CREB5: variants seen among roughly 807,000 people sequenced by gnomAD.
The protein encoded by CREB5 is cyclic AMP-responsive element-binding protein 5.
In CREB5, 19 loss-of-function variants were observed where a neutral mutation model predicts 57.1. The observed-to-expected ratio is 0.33, with a 90% CI of 0.23 to 0.49. The LOEUF (loss-of-function observed/expected upper bound fraction) is 0.49. Ranked by LOEUF, CREB5 falls within the 20% of genes least tolerant of loss-of-function variation. The pLI is 0.99. For missense variants in CREB5, 579 were observed against 671.6 expected (o/e 0.86, Z 1.52); for synonymous variants, 238 against 238.3 (o/e 1.00, Z 0.01).
At chr7:28,550,047 C>T (rs1198783154) in intron 4 of CREB5, among the ~76,000 whole-genome samples, 2 of 152,142 alleles carry the variant, frequency 1.3e-5, no homozygotes, top group Non-Finnish European at 2.9e-5. Flanking sequence ...ATATTTTATC[C>T]ATACTTTATG....
chr7:28,428,762 A>G (rs1788603172), intron 1 of CREB5, among the ~76,000 whole-genome samples: 1 of 152,134 alleles, frequency 6.6e-6, no homozygotes, highest in Non-Finnish European at 1.5e-5. Context: ...TAGAGTTAGA[A>G]TCAGGATCAT....
At chr7:28,498,551 T>C (rs217498) in intron 3 of CREB5, among the ~76,000 whole-genome samples, 41,132 of 152,108 alleles carry the variant, frequency 0.27, 6,954 homozygotes, top group Non-Finnish European at 0.36. Context: ...TGTCATAAGG[T>C]TCATTTCATT....
intron 1 of CREB5, among the ~76,000 whole-genome samples, chr7:28,332,014 G>A (rs1785726166): frequency 6.6e-6 from 1 of 152,094 alleles, no homozygotes; most frequent in Non-Finnish European, 1.5e-5. Context: ...TCAGGATCTT[G>A]GAATGATACC....
At chr7:28,624,823 C>CT (rs1797941975) in intron 5 of CREB5, among the ~76,000 whole-genome samples, 1 of 152,128 alleles carries the variant, frequency 6.6e-6, no homozygotes, top group Non-Finnish European at 1.5e-5. Flanking sequence ...CTAGTGCTCA[C>CT]TTTGTGATAT....
At chr7:28,734,687 TA>T (rs779729609) in intron 7 of CREB5, among the ~76,000 whole-genome samples, 20 of 152,184 alleles carry the variant, frequency 1.3e-4, no homozygotes, top group Non-Finnish European at 1.5e-5. Context: ...TCAAAGGGAA[TA>T]AACATTATAA....
At chr7:28,316,345 C>T (rs1002551259) in intron 1 of CREB5, among the ~76,000 whole-genome samples, 15 of 151,948 alleles carry the variant, frequency 9.9e-5, no homozygotes, top group Non-Finnish European at 1.2e-4. Flanking sequence ...CCTGACAATG[C>T]CTGGGAAAAC....
upstream of CREB5, among the ~76,000 whole-genome samples, chr7:28,407,723 AG>A (rs1013294726): frequency 3.9e-5 from 6 of 152,240 alleles, no homozygotes; most frequent in African/African-American, 1.4e-4. Flanking sequence ...TGTGGTTTCA[AG>A]GAACACTAAA....
intron 5 of CREB5, among the ~76,000 whole-genome samples, chr7:28,678,740 A>G (rs541832342): frequency 1.3e-5 from 2 of 152,366 alleles, no homozygotes; most frequent in African/African-American, 4.8e-5. Context: ...CCAGTTAATA[A>G]AAACATAGAT....
Position 28,824,622 on chromosome 7 carries a change from A to G in CREB5, c.*5343A>G, listed in dbSNP as rs1809963822. The G allele has an allele frequency of 6.5e-6, 1 of 152,682 alleles. No individual in the cohort carries two copies. Among genetic ancestry groups the G allele is most frequent in the Admixed American group, 6.5e-5 (1 of 15,284 alleles). 9.5% of individuals were successfully genotyped at this position (152,682 alleles called of 1,614,324 possible). On this transcript the variant is annotated 3_prime_UTR_variant, in exon 11 of 11. Transcript: ENST00000357727. The stretch of plus-strand genomic sequence containing the variant: ...AAGAAATTTAAAAAACAAAAAACCT[A>G]GCTCATCATGTTGTGAAAATGAAAA...
Position 28,819,118 on chromosome 7 carries a change from C to T in CREB5, c.1366C>T (p.Pro456Ser). ...MQKESQGYLS[P>S]ESSPPASPVP... ...GTTGTCTTTTTTTTTCTCCCTAGGTCCAGAGAGTAGCCCTCCTGCTAGTCC... is the reference window on the plus strand; with the variant it reads ...GTTGTCTTTTTTTTTCTCCCTAGGTTCAGAGAGTAGCCCTCCTGCTAGTCC... The change falls in exon 11 of 11, where the codon CCA becomes TCA. Residue 456 changes from proline to serine, a missense_variant and splice_region_variant. This residue lies in a region of CREB5 where 114 missense variants were observed against 130.8 expected (regional missense o/e 0.87). Coordinates refer to ENST00000357727, the MANE Select transcript of CREB5 (RefSeq NM_182898.4). 1 of 1,612,292 alleles carries T rather than the reference C, an allele frequency of 6.2e-7. No individual in the cohort carries two copies. The highest frequency in any genetic ancestry group is 8.5e-7 in the Non-Finnish European group (1 of 1,179,236).
intron 1 of CREB5, among the ~76,000 whole-genome samples, chr7:28,455,346 A>G (rs1369155541): frequency 6.6e-6 from 1 of 152,198 alleles, no homozygotes; most frequent in African/African-American, 2.4e-5. Context: ...TGGGAGTGGA[A>G]CAAGGGTGAA....
chr7:28,574,862 T>A (rs1795844482), intron 5 of CREB5, among the ~76,000 whole-genome samples: 1 of 152,240 alleles, frequency 6.6e-6, no homozygotes, highest in Non-Finnish European at 1.5e-5. Flanking sequence ...ACACCAATTT[T>A]AATCCTGGAA....
At chr7:28,441,087 G>A (rs556472748) in intron 1 of CREB5, among the ~76,000 whole-genome samples, 1 of 152,254 alleles carries the variant, frequency 6.6e-6, no homozygotes, top group South Asian at 2.1e-4. Context: ...TCATCAAAAT[G>A]TTGTTTTCTA....
chr7:28,554,005 C>T (rs967090941), intron 4 of CREB5, among the ~76,000 whole-genome samples: 1 of 152,178 alleles, frequency 6.6e-6, no homozygotes, highest in African/African-American at 2.4e-5. Context: ...ACTTGACCCT[C>T]ACTCCTGCCT....
At chr7:28,375,383 G>A (rs1786803365) in intron 1 of CREB5, among the ~76,000 whole-genome samples, 1 of 152,080 alleles carries the variant, frequency 6.6e-6, no homozygotes, top group Non-Finnish European at 1.5e-5. Flanking sequence ...TGGGGGTTGG[G>A]GGCAGGAATG....
chr7:28,339,967 A>G (rs1785902072), intron 1 of CREB5, among the ~76,000 whole-genome samples: 1 of 152,144 alleles, frequency 6.6e-6, no homozygotes, highest in Non-Finnish European at 1.5e-5. Context: ...TGTTCACTTA[A>G]GGCCCAAGAG....
intron 1 of CREB5, among the ~76,000 whole-genome samples, chr7:28,360,066 A>C (rs904295320): frequency 6.6e-6 from 1 of 152,226 alleles, no homozygotes; most frequent in Admixed American, 6.5e-5. Context: ...TCAAAAGATG[A>C]AAGATAATAA....
intron 7 of CREB5, among the ~76,000 whole-genome samples, chr7:28,784,175 C>T (rs1040477185): frequency 2.0e-5 from 3 of 152,210 alleles, no homozygotes; most frequent in African/African-American, 7.2e-5. Flanking sequence ...TCAGGGTAAA[C>T]ACAGCTCGTG....
chr7:28,402,137 T>C (rs1184283233), intron 1 of CREB5, among the ~76,000 whole-genome samples: 1 of 152,240 alleles, frequency 6.6e-6, no homozygotes, highest in Non-Finnish European at 1.5e-5. Context: ...CATTGTGGTT[T>C]TGATTTGCAT....
Sources: allele counts gnomAD v4.1 joint callset (sites outside exome capture counted in the v4.1 genomes callset), GRCh38; gene constraint gnomAD v4.1.1; regional missense constraint gnomAD v4.1.1; transcripts MANE v1.5; gene names NCBI Gene and HGNC (gene_info 2026-07-23, HGNC 2026-07-21).